Variants in PCDH9 observed in about 807,000 individuals in gnomAD.
PCDH9 encodes the protein protocadherin 9.
PCDH9 carries 24 observed loss-of-function variants against 70.6 expected under a neutral mutation model. That is an observed-to-expected ratio of 0.34 (90% CI 0.25 to 0.48). PCDH9 has a LOEUF of 0.48. Ranked by LOEUF, PCDH9 falls within the 20% of genes least tolerant of loss-of-function variation. PCDH9 has a pLI of 0.99. For missense variants in PCDH9, 1,281 were observed against 1,503.6 expected (o/e 0.85, Z 2.45); for synonymous variants, 562 against 558.5 (o/e 1.01, Z -0.09).
At chr13:66,773,624 C>G (rs925705479) in intron 3 of PCDH9, among the ~76,000 whole-genome samples, 1 of 145,418 alleles carries the variant, frequency 6.9e-6, no homozygotes, top group Non-Finnish European at 1.5e-5. Flanking sequence ...AGCCAGACAC[C>G]GTCTCAAAAA....
At chr13:66,958,027 C>T (rs1326600726) in intron 2 of PCDH9, among the ~76,000 whole-genome samples, 4 of 152,048 alleles carry the variant, frequency 2.6e-5, no homozygotes, top group African/African-American at 7.2e-5. Flanking sequence ...CTGGAGAATT[C>T]TGGCTTCAAA....
intron 2 of PCDH9, among the ~76,000 whole-genome samples, chr13:67,011,202 C>T (rs577711834): frequency 1.3e-5 from 2 of 151,750 alleles, no homozygotes; most frequent in South Asian, 4.1e-4. Context: ...GGAACTGTCA[C>T]CCCCCCAGTA....
intron 4 of PCDH9, among the ~76,000 whole-genome samples, chr13:66,563,805 A>T (rs2076611646): frequency 6.6e-6 from 1 of 152,076 alleles, no homozygotes; most frequent in Non-Finnish European, 1.5e-5. Flanking sequence ...GTGATTCCTT[A>T]TCTAGCCATT....
rs574757133 is a variant in PCDH9 at position 66,368,571 on chromosome 13, G to A, written c.3341-63543C>T. 7.9e-4 allele frequency among the ~76,000 whole-genome samples: 119 copies of A among 150,598 alleles called. 3 individuals are homozygous for A. In the South Asian group the frequency reaches 0.02, roughly 26 times the overall value. ...TTCTATTTTATATATATGTATATTC[G>A]TGTATATATATATATGTGTGTGTGT... On this transcript the variant is annotated intron_variant, in intron 4 of 4. Coordinates refer to ENST00000377865, the MANE Select transcript of PCDH9 (RefSeq NM_203487.3).
intron 2 of PCDH9, chr13:67,202,958 C>A (rs1206967523): frequency 6.6e-6 from 1 of 152,040 alleles, no homozygotes; most frequent in African/African-American, 2.4e-5. Context: ...CAAAGAGGAT[C>A]TTATTTCTTG....
chr13:66,737,773 T>C (rs552210866), intron 3 of PCDH9, among the ~76,000 whole-genome samples: 15 of 152,134 alleles, frequency 9.9e-5, no homozygotes, highest in Admixed American at 4.6e-4. Context: ...CACCCGAATA[T>C]TGCGCTTTTC....
chr13:66,550,772 A>G (rs1961448785), intron 4 of PCDH9, among the ~76,000 whole-genome samples: 1 of 152,198 alleles, frequency 6.6e-6, no homozygotes, highest in African/African-American at 2.4e-5. Flanking sequence ...ATTTGTGGGA[A>G]GGAAGAGGGA....
chr13:66,504,450 G>A (rs1014687116), intron 4 of PCDH9, among the ~76,000 whole-genome samples: 1 of 152,130 alleles, frequency 6.6e-6, no homozygotes, highest in Non-Finnish European at 1.5e-5. Flanking sequence ...CAAAGTTCAG[G>A]TGGATTCCAG....
intron 3 of PCDH9, among the ~76,000 whole-genome samples, chr13:66,779,729 G>A (rs1594050186): frequency 6.6e-6 from 1 of 151,636 alleles, no homozygotes; most frequent in African/African-American, 2.4e-5. Flanking sequence ...GCTGAGGCAG[G>A]AGAATCACTT....
intron 4 of PCDH9, among the ~76,000 whole-genome samples, chr13:66,466,788 A>C (rs1958520726): frequency 6.6e-6 from 1 of 152,154 alleles, no homozygotes; most frequent in African/African-American, 2.4e-5. Flanking sequence ...AGTGGTAAGA[A>C]ACTGTGTTTT....
intron 3 of PCDH9, among the ~76,000 whole-genome samples, chr13:66,807,824 A>G (rs1013699569): frequency 2.6e-5 from 4 of 152,180 alleles, no homozygotes; most frequent in African/African-American, 9.7e-5. Flanking sequence ...ACCTTTCTTT[A>G]CTTTGCAGAG....
intron 1 of PCDH9, among the ~76,000 whole-genome samples, chr13:67,229,418 T>A (rs1197459018): frequency 6.6e-6 from 1 of 152,238 alleles, no homozygotes; most frequent in Non-Finnish European, 1.5e-5. Flanking sequence ...TGCAATTTCT[T>A]AATCCTGATC....
intron 3 of PCDH9, among the ~76,000 whole-genome samples, chr13:66,796,650 T>C (rs979474392): frequency 8.1e-6 from 1 of 123,562 alleles, no homozygotes; most frequent in South Asian, 2.8e-4. Context: ...AGGTTCACTG[T>C]AGAGAATTAA....
chr13:66,874,949 G>A (rs1019652492), intron 3 of PCDH9, among the ~76,000 whole-genome samples: 1 of 151,180 alleles, frequency 6.6e-6, no homozygotes, highest in Non-Finnish European at 1.5e-5. Flanking sequence ...GTGTGAGAGA[G>A]AGAGAGAGAG....
chr13:66,331,089 G>C (rs1277112366), intron 4 of PCDH9, among the ~76,000 whole-genome samples: 1 of 152,142 alleles, frequency 6.6e-6, no homozygotes, highest in African/African-American at 2.4e-5. Context: ...TTTTTAAACT[G>C]TGCTGTGAAG....
At chr13:66,951,807 C>T (rs2083186391) in intron 2 of PCDH9, among the ~76,000 whole-genome samples, 1 of 152,146 alleles carries the variant, frequency 6.6e-6, no homozygotes, top group Non-Finnish European at 1.5e-5. Context: ...TGATAACAAC[C>T]TAATTTCCTC....
At chr13:66,872,303 A>G (rs1160165113) in intron 3 of PCDH9, among the ~76,000 whole-genome samples, 2 of 152,144 alleles carry the variant, frequency 1.3e-5, no homozygotes, top group Non-Finnish European at 1.5e-5. Flanking sequence ...TAGTGAGTCA[A>G]TTCATAGGGC....
chr13:66,698,068 G>A (rs1314673604), intron 3 of PCDH9, among the ~76,000 whole-genome samples: 1 of 152,102 alleles, frequency 6.6e-6, no homozygotes, highest in Non-Finnish European at 1.5e-5. Context: ...CAGTACCTAG[G>A]GTTGTCAAAT....
At chr13:66,615,847 T>C (rs751585320) in intron 4 of PCDH9, among the ~76,000 whole-genome samples, 1 of 152,228 alleles carries the variant, frequency 6.6e-6, no homozygotes, top group Non-Finnish European at 1.5e-5. Flanking sequence ...ATTTGAAGCA[T>C]GTTTCTCCCT....
Sources: allele counts gnomAD v4.1 joint callset (sites outside exome capture counted in the v4.1 genomes callset), GRCh38; gene constraint gnomAD v4.1.1; transcripts MANE v1.5; gene names NCBI Gene and HGNC (gene_info 2026-07-23, HGNC 2026-07-21).